TASP1: variants seen among roughly 807,000 people sequenced by gnomAD.
The protein encoded by TASP1 is threonine aspartase 1.
Under a neutral mutation model 56.6 loss-of-function variants are expected in TASP1, and 16 were observed. The ratio of observed to expected loss-of-function variants is 0.28; its 90% CI spans 0.19 to 0.43. The LOEUF (loss-of-function observed/expected upper bound fraction) is 0.43. Ranked by LOEUF, TASP1 falls within the 20% of genes least tolerant of loss-of-function variation. TASP1 has a pLI of 1.00. For synonymous variants in TASP1, 179 were observed against 184.2 expected, an observed-to-expected ratio of 0.97 and a Z score of 0.23; for missense variants, 393 against 511.6, an observed-to-expected ratio of 0.77 and a Z score of 2.24.
At chr20:13,519,239 C>T (rs200632810) in intron 10 of TASP1, among the ~76,000 whole-genome samples, 4 of 152,058 alleles carry the variant, frequency 2.6e-5, no homozygotes, top group East Asian at 1.9e-4. Flanking sequence ...ACACTCATGA[C>T]CTGGGTGATA....
chr20:13,295,385 G>A, the TASP1 span, among the ~76,000 whole-genome samples: 1 of 152,148 alleles, frequency 6.6e-6, no homozygotes, highest in East Asian at 1.9e-4. Flanking sequence ...GCCATGATCT[G>A]ACACCAACAA....
the TASP1 span, among the ~76,000 whole-genome samples, chr20:13,333,316 G>C: frequency 1.3e-5 from 2 of 152,190 alleles, no homozygotes; most frequent in Non-Finnish European, 2.9e-5. Flanking sequence ...TTAACTACTT[G>C]ACAGGGGAGG....
chr20:13,523,503 C>T (rs2044850931), intron 10 of TASP1, among the ~76,000 whole-genome samples: 1 of 152,148 alleles, frequency 6.6e-6, no homozygotes, highest in African/African-American at 2.4e-5. Flanking sequence ...GACAATCTCC[C>T]ACAGAGGGAC....
At chr20:13,285,918 C>T in the TASP1 span, among the ~76,000 whole-genome samples, 1 of 152,214 alleles carries the variant, frequency 6.6e-6, no homozygotes, top group African/African-American at 2.4e-5. Flanking sequence ...AATGGAGAGG[C>T]CAGGCTGCAT....
chr20:13,370,029 A>T, the TASP1 span, among the ~76,000 whole-genome samples: 1 of 152,194 alleles, frequency 6.6e-6, no homozygotes, highest in Non-Finnish European at 1.5e-5. Flanking sequence ...ATTCTGCCTC[A>T]TCTATCCCAT....
the TASP1 span, among the ~76,000 whole-genome samples, chr20:13,207,469 T>G: frequency 6.6e-6 from 1 of 152,226 alleles, no homozygotes; most frequent in Non-Finnish European, 1.5e-5. Context: ...GATGTGAAAC[T>G]TATTATAAGG....
chr20:13,146,360 C>T, the TASP1 span, among the ~76,000 whole-genome samples: 1 of 151,984 alleles, frequency 6.6e-6, no homozygotes, highest in Admixed American at 6.6e-5. Flanking sequence ...ATAATATGTA[C>T]AACAAACCCC....
chr20:13,475,054 T>C (rs1366617102), intron 11 of TASP1, among the ~76,000 whole-genome samples: 2 of 152,194 alleles, frequency 1.3e-5, no homozygotes, highest in African/African-American at 2.4e-5. Flanking sequence ...CAAACATCCA[T>C]TAATTCACTA....
chr20:13,279,858 A>G, the TASP1 span: 113 of 1,613,958 alleles, frequency 7.0e-5, 3 homozygotes, highest in South Asian at 1.2e-3. Context: ...ATACAGCCCC[A>G]GGCCACCGGA....
intron 8 of TASP1, among the ~76,000 whole-genome samples, chr20:13,538,175 T>G (rs896842322): frequency 6.6e-6 from 1 of 152,098 alleles, no homozygotes; most frequent in Non-Finnish European, 1.5e-5. Flanking sequence ...CTAATTTTTT[T>G]GTATTTTTAG....
At chr20:13,381,296 A>T in the TASP1 span, among the ~76,000 whole-genome samples, 3 of 152,190 alleles carry the variant, frequency 2.0e-5, no homozygotes, top group Non-Finnish European at 2.9e-5. Context: ...CCCTCACGGC[A>T]CAGGTCCTCA....
chr20:13,125,684 A>G, the TASP1 span, among the ~76,000 whole-genome samples: 2 of 152,162 alleles, frequency 1.3e-5, no homozygotes, highest in African/African-American at 2.4e-5. Flanking sequence ...TCTCTGTTCC[A>G]CATGGTTGTC....
At chr20:13,189,615 T>C in the TASP1 span, among the ~76,000 whole-genome samples, 3 of 152,086 alleles carry the variant, frequency 2.0e-5, no homozygotes, top group Non-Finnish European at 4.4e-5. Flanking sequence ...TACCATTTCA[T>C]ACCAATCAGA....
At chr20:13,146,606 T>C in the TASP1 span, among the ~76,000 whole-genome samples, 1 of 152,152 alleles carries the variant, frequency 6.6e-6, no homozygotes, top group Non-Finnish European at 1.5e-5. Flanking sequence ...CAGGAAGCAA[T>C]AATACTATGC....
chr20:13,242,486 T>C, the TASP1 span, among the ~76,000 whole-genome samples: 1 of 152,018 alleles, frequency 6.6e-6, no homozygotes, highest in Non-Finnish European at 1.5e-5. Flanking sequence ...AGAGATTGAT[T>C]ATCATGGAGG....
At chr20:13,384,284 C>T in the TASP1 span, among the ~76,000 whole-genome samples, 1 of 152,194 alleles carries the variant, frequency 6.6e-6, no homozygotes, top group African/African-American at 2.4e-5. Flanking sequence ...TTCTGCATTG[C>T]CACTTGTGGT....
Position 13,534,968 on chromosome 20 carries a change from C to T in TASP1, c.676-827G>A, listed in dbSNP as rs147769562. ...TCTCATATATTAAAAAGGGGGGTTA[C>T]GGTAGGTTTTTAGGTTAATAGTAGT... On this transcript the variant is annotated intron_variant, in intron 8 of 13. Coordinates refer to ENST00000337743, the MANE Select transcript of TASP1 (RefSeq NM_017714.3). Among the ~76,000 whole-genome samples, 693 of 152,166 alleles carry T rather than the reference C, an allele frequency of 4.6e-3. 6 individuals carry two copies. The highest frequency in any genetic ancestry group is 0.026 in the Admixed American group (397 of 15,272).
chr20:13,417,984 C>G (rs1343604628), intron 12 of TASP1, among the ~76,000 whole-genome samples: 1 of 152,240 alleles, frequency 6.6e-6, no homozygotes, highest in Non-Finnish European at 1.5e-5. Flanking sequence ...GCAATCCCAG[C>G]TCATTGCAGA....
chr20:13,395,754 T>A (rs1433568040), intron 13 of TASP1, among the ~76,000 whole-genome samples: 1 of 150,056 alleles, frequency 6.7e-6, no homozygotes, highest in Non-Finnish European at 1.5e-5. Context: ...CAGGCTGGAG[T>A]GCAGTGGCGC....
Sources: allele counts gnomAD v4.1 joint callset (sites outside exome capture counted in the v4.1 genomes callset), GRCh38; gene constraint gnomAD v4.1.1; transcripts MANE v1.5; gene names NCBI Gene and HGNC (gene_info 2026-07-23, HGNC 2026-07-21).